ACSM1: variants seen among roughly 807,000 people sequenced by gnomAD.
The protein encoded by ACSM1 is acyl-CoA synthetase medium chain family member 1.
Under a neutral mutation model 75.8 loss-of-function variants are expected in ACSM1, and 79 were observed. The ratio of observed to expected loss-of-function variants is 1.04; its 90% CI spans 0.87 to 1.26. The LOEUF is 1.26. Ranked by LOEUF, ACSM1 falls within the 50% of genes most tolerant of loss-of-function variation. The pLI is 0.00. For missense variants in ACSM1, 676 were observed against 720.1 expected (o/e 0.94, Z 0.70); for synonymous variants, 279 against 265.8 (o/e 1.05, Z -0.48).
intron 10 of ACSM1, among the ~76,000 whole-genome samples, chr16:20,633,961 A>G (rs2017501505): frequency 6.6e-6 from 1 of 152,224 alleles, no homozygotes; most frequent in South Asian, 2.1e-4. Context: ...TGGAAAACTC[A>G]CACTTCCTGA....
At chr16:20,623,598 A>G in intron 13 of ACSM1, 26 bp from the exon 14 acceptor site, 1 of 1,598,560 alleles carries the variant, frequency 6.3e-7, no homozygotes, top group Non-Finnish European at 8.6e-7. Flanking sequence ...GCAAATCCAC[A>G]GTGATTGAGT....
rs1189641584 is a variant in ACSM1, at chr16:20,636,774, G to C, written c.1264C>G (p.Pro422Ala). 7 of 1,613,974 alleles carry C rather than the reference G, an allele frequency of 4.3e-6. No homozygotes were observed. The Admixed American group carries it at 1.2e-4, about 27-fold the overall frequency. ...TEGNIGIRIKPVRPVSLFMCY... is the reference protein window; with the variant it reads ...TEGNIGIRIKAVRPVSLFMCY... The stretch of plus-strand genomic sequence containing the variant: ...ATGAAGAGGCTCACAGGCCTGACAG[G>C]TTTGATTCTGATGCCAATGTTTCCT... The change falls in exon 10 of 14, where the codon CCT becomes GCT. Residue 422 changes from proline (P) to alanine (A), a missense_variant. By Grantham distance (27) the Pro-to-Ala change is conservative (BLOSUM62 -1). Coordinates refer to ENST00000520010, the MANE Select transcript of ACSM1 (RefSeq NM_001318890.3).
chr16:20,632,150 C>G (rs1200854504), intron 10 of ACSM1, among the ~76,000 whole-genome samples: 1 of 152,104 alleles, frequency 6.6e-6, no homozygotes, highest in Non-Finnish European at 1.5e-5. Context: ...AAAAAGATCT[C>G]AAGCCGAAAA....
At chr16:20,676,062 C>G (rs1336009018) in intron 4 of ACSM1, 1 of 152,248 alleles carries the variant, frequency 6.6e-6, no homozygotes, top group Non-Finnish European at 1.5e-5. Context: ...ATCTACCTCC[C>G]TTTACCAAGG....
At chr16:20,664,011 C>G (rs1285201942) in intron 6 of ACSM1, among the ~76,000 whole-genome samples, 1 of 152,070 alleles carries the variant, frequency 6.6e-6, no homozygotes, top group Non-Finnish European at 1.5e-5. Context: ...TATGACTACT[C>G]CTGGTGCTTT....
chr16:20,659,443 T>A (rs1332272210), intron 7 of ACSM1, among the ~76,000 whole-genome samples: 1 of 152,172 alleles, frequency 6.6e-6, no homozygotes, highest in African/African-American at 2.4e-5. Flanking sequence ...CAAATTCCTA[T>A]CTAAGGTGCC....
rs543428721 is a variant in ACSM1, at chr16:20,662,693, T to C, written c.913-820A>G. On this transcript the variant is annotated intron_variant, in intron 6 of 13. Transcript: ENST00000520010. Reference sequence around the variant, plus strand: ...AATCATGATGAAATATAATTGTCATTTGTGGACAAATCTAGCTCTACTTCC... The same window carrying C: ...AATCATGATGAAATATAATTGTCATCTGTGGACAAATCTAGCTCTACTTCC... Among the ~76,000 whole-genome samples the C allele has an allele frequency of 6.6e-5, 10 of 152,322 alleles. No homozygotes were observed. In the East Asian group the frequency reaches 9.7e-4, roughly 15 times the overall value.
chr16:20,640,592 G>A lies in ACSM1; in HGVS notation c.993-8C>T, dbSNP rs1371032879. On this transcript the variant is annotated splice_region_variant and splice_polypyrimidine_tract_variant and intron_variant, in intron 7 of 13. Transcript: ENST00000520010. ...AGGGCAGGGAACCTGATGCTTAGAGGAAGACAAGGTGCCAGGCATTGGTGA... is the reference window on the plus strand; with the variant it reads ...AGGGCAGGGAACCTGATGCTTAGAGAAAGACAAGGTGCCAGGCATTGGTGA... 2 of 1,614,116 alleles carry A rather than the reference G, an allele frequency of 1.2e-6. No homozygotes were observed. The highest frequency in any genetic ancestry group is 1.7e-5 in the Admixed American group (1 of 60,026).
intron 9 of ACSM1, 165 bp downstream of exon 9, chr16:20,637,206 G>T: frequency 1.3e-6 from 1 of 779,138 alleles, no homozygotes; most frequent in Non-Finnish European, 2.3e-6. Context: ...TCACAATAAT[G>T]CAGTTTTCAA....
At position 20,623,324 on chromosome 16, in the gene ACSM1, T is replaced by A; in HGVS notation, c.*162A>T. 1 of 627,656 alleles carries A rather than the reference T, an allele frequency of 1.6e-6. No homozygotes were observed. Among genetic ancestry groups the A allele is most frequent in the Middle Eastern group, 2.8e-4 (1 of 3,602 alleles). The allele number at this position is 627,656 out of a possible 1,614,324, so 38.9% of individuals were successfully genotyped here. A position where few individuals can be genotyped will look rare whatever the true frequency, so the allele number is the denominator to read the frequency against. On this transcript the variant is annotated 3_prime_UTR_variant, in exon 14 of 14. Transcript: ENST00000520010. The stretch of plus-strand genomic sequence containing the variant: ...GAGGACTTGGAGGAAGCAGAGCAAC[T>A]GAATTTAATTTAAAAGAAGGAAAAC...
rs2016725517 is a variant in ACSM1 at position 20,623,387 on chromosome 16, A to G, written c.*99T>C. ...GCACTCCTGATACTTTCCCAAATCA[A>G]CACTCTCAATGCCCCACCCTCGTCC... On this transcript the variant is annotated 3_prime_UTR_variant, in exon 14 of 14. Coordinates refer to ENST00000520010, the MANE Select transcript of ACSM1 (RefSeq NM_001318890.3). 1 of 1,017,864 alleles carries G rather than the reference A, an allele frequency of 9.8e-7. No individual in the cohort carries two copies. The allele number at this position is 1,017,864 out of a possible 1,614,324, so 63.1% of individuals were successfully genotyped here.
rs1259874893 is a variant in ACSM1 at position 20,688,548 on chromosome 16, C to T, written c.192+2449G>A. ...CAGCAAGAGAAAAGCAACTCATGTA[C>T]AAGAGATTCTCAATAAGATTATCAG... On this transcript the variant is annotated intron_variant, in intron 2 of 13. Transcript: ENST00000520010. Among the ~76,000 whole-genome samples, 6 of 152,014 alleles carry T rather than the reference C, an allele frequency of 3.9e-5. No homozygotes were observed. In the South Asian group the frequency reaches 1.0e-3, roughly 26 times the overall value.
intron 4 of ACSM1, among the ~76,000 whole-genome samples, chr16:20,673,058 T>G (rs1163604838): frequency 1.4e-5 from 2 of 146,040 alleles, no homozygotes; most frequent in Non-Finnish European, 3.0e-5. Flanking sequence ...ATACATATAA[T>G]TATATGATAT....
chr16:20,625,315 A>G, intron 12 of ACSM1, 108 bp downstream of exon 12: 1 of 1,074,250 alleles, frequency 9.3e-7, no homozygotes, highest in Non-Finnish European at 1.4e-6. Flanking sequence ...ACGCACATGC[A>G]CACTATGCCC....
chr16:20,685,550 A>G (rs1463937158), intron 2 of ACSM1, 147 bp from the exon 3 acceptor site: 1 of 764,492 alleles, frequency 1.3e-6, no homozygotes, highest in East Asian at 2.6e-5. Context: ...AGCCAGGCGC[A>G]GTGGCTCATG....
At chr16:20,663,901 G>A (rs1396310527) in intron 6 of ACSM1, among the ~76,000 whole-genome samples, 1 of 152,122 alleles carries the variant, frequency 6.6e-6, no homozygotes, top group Non-Finnish European at 1.5e-5. Flanking sequence ...TAGTAGGTAA[G>A]AATTAGACAT....
intron 1 of ACSM1, among the ~76,000 whole-genome samples, chr16:20,692,254 G>A (rs1301448076): frequency 6.6e-6 from 1 of 152,210 alleles, no homozygotes; most frequent in Non-Finnish European, 1.5e-5. Context: ...GAGACTATGT[G>A]GCCAAGGTGG....
At chr16:20,636,592 G>A in intron 10 of ACSM1, 147 bp downstream of exon 10, 2 of 631,564 alleles carry the variant, frequency 3.2e-6, no homozygotes, top group Non-Finnish European at 5.6e-6. Context: ...AAGGATGGGA[G>A]AATGCACGGT....
intron 10 of ACSM1, among the ~76,000 whole-genome samples, chr16:20,627,889 T>TAC (rs1567242318): frequency 1.6e-4 from 6 of 37,806 alleles, no homozygotes; most frequent in African/African-American, 6.5e-4. Context: ...TATATATATA[T>TAC]ATATATATAT....
Sources: allele counts gnomAD v4.1 joint callset (sites outside exome capture counted in the v4.1 genomes callset), GRCh38; gene constraint gnomAD v4.1.1; transcripts MANE v1.5; gene names NCBI Gene and HGNC (gene_info 2026-07-23, HGNC 2026-07-21).